SCLT1: variants seen among roughly 807,000 people sequenced by gnomAD.
SCLT1 encodes the protein sodium channel-associated protein 1.
A neutral mutation model predicts 112.8 loss-of-function variants in SCLT1; 78 were observed. The ratio of observed to expected loss-of-function variants is 0.69; its 90% confidence interval spans 0.58 to 0.83. The LOEUF (loss-of-function observed/expected upper bound fraction) is 0.83. Among genes scored for constraint, SCLT1 ranks in the 40% least tolerant of loss-of-function variants. The probability of loss-of-function intolerance (pLI) is 0.00; values close to 1 mark genes in which losing one functional copy is unlikely to be tolerated. For missense variants in SCLT1, 747 were observed against 770.4 expected, an observed-to-expected ratio of 0.97 and a Z score of 0.36; for synonymous variants, 257 against 254.7, an observed-to-expected ratio of 1.01 and a Z score of -0.09.
At chr4:129,081,418 G>A (rs577081118) in intron 2 of SCLT1, among the ~76,000 whole-genome samples, 1 of 152,218 alleles carries the variant, frequency 6.6e-6, no homozygotes, top group Non-Finnish European at 1.5e-5. Context: ...TGGACTCGGG[G>A]TACCTGCCAG....
At chr4:128,948,645 G>T in intron 14 of SCLT1, 75 bp from the exon 15 acceptor site, 3 of 1,046,014 alleles carry the variant, frequency 2.9e-6, no homozygotes, top group Non-Finnish European at 4.3e-6. Context: ...ATTATAATTT[G>T]TTCATAATGG....
chr4:129,025,386 G>A (rs1019897838), intron 5 of SCLT1, among the ~76,000 whole-genome samples: 5 of 152,156 alleles, frequency 3.3e-5, no homozygotes, highest in Non-Finnish European at 7.3e-5. Flanking sequence ...GAGAGTGGGG[G>A]CCAATATTCA....
intron 4 of SCLT1, among the ~76,000 whole-genome samples, chr4:129,041,319 C>T (rs1747677893): frequency 6.6e-6 from 1 of 152,094 alleles, no homozygotes; most frequent in Non-Finnish European, 1.5e-5. Flanking sequence ...ATAAAACAGA[C>T]ACTATAATTT....
chr4:128,927,594 T>TAATTTGAACTAA (rs2125969377), intron 18 of SCLT1, among the ~76,000 whole-genome samples: 1 of 150,236 alleles, frequency 6.7e-6, no homozygotes, highest in African/African-American at 2.4e-5. Context: ...AAAAGGAAAA[T>TAATTTGAACTAA]AATTTGAACT....
intron 5 of SCLT1, among the ~76,000 whole-genome samples, chr4:129,006,640 T>G (rs1035434035): frequency 2.0e-5 from 3 of 152,180 alleles, no homozygotes; most frequent in African/African-American, 7.2e-5. Context: ...GGTCATTTTT[T>G]TAATCTTACA....
At chr4:128,957,215 T>C in intron 12 of SCLT1, 91 bp from the exon 13 acceptor site, 2 of 654,914 alleles carry the variant, frequency 3.1e-6, no homozygotes, top group Non-Finnish European at 5.1e-6. Context: ...CACTTCCTTA[T>C]TCAAAACTTC....
chr4:129,003,964 C>T (rs979832075), intron 5 of SCLT1, 88 bp from the exon 6 acceptor site: 10 of 1,159,170 alleles, frequency 8.6e-6, no homozygotes, highest in Non-Finnish European at 1.2e-5. Flanking sequence ...TTTGGGTCAA[C>T]AATAACTCTT....
chr4:128,924,935 T>C (rs960578600), intron 18 of SCLT1, among the ~76,000 whole-genome samples: 6 of 152,164 alleles, frequency 3.9e-5, no homozygotes, highest in Non-Finnish European at 1.5e-5. Flanking sequence ...CTTTCTCTCT[T>C]TCAACTTCCT....
chr4:129,036,442 G>A (rs1036128628), intron 5 of SCLT1, among the ~76,000 whole-genome samples: 8 of 151,862 alleles, frequency 5.3e-5, no homozygotes, highest in African/African-American at 1.9e-4. Flanking sequence ...TAAGTATATT[G>A]GTGATTCAGA....
At chr4:128,946,881 T>TAAGGGTG (rs1203656675) in intron 15 of SCLT1, among the ~76,000 whole-genome samples, 42 of 152,194 alleles carry the variant, frequency 2.8e-4, no homozygotes, top group Middle Eastern at 3.2e-3. Flanking sequence ...TAAGCTCAGC[T>TAAGGGTG]TTCCATGCAA....
chr4:128,926,713 C>T (rs923537606), intron 18 of SCLT1, among the ~76,000 whole-genome samples: 1 of 151,834 alleles, frequency 6.6e-6, no homozygotes, highest in East Asian at 1.9e-4. Flanking sequence ...ATATTTATTA[C>T]TTTGTTTTAC....
At chr4:129,047,695 T>A (rs760049754) in intron 2 of SCLT1, among the ~76,000 whole-genome samples, 9 of 152,120 alleles carry the variant, frequency 5.9e-5, no homozygotes, top group Non-Finnish European at 1.3e-4. Flanking sequence ...AGGGGTGATA[T>A]GGGATCTCAC....
At chr4:128,916,537 G>A (rs914978006) in intron 18 of SCLT1, among the ~76,000 whole-genome samples, 6 of 152,136 alleles carry the variant, frequency 3.9e-5, no homozygotes, top group East Asian at 3.9e-4. Flanking sequence ...ACTGACTGAC[G>A]AAAAAGCTAA....
At chr4:129,049,620 A>G (rs923327162) in intron 2 of SCLT1, among the ~76,000 whole-genome samples, 1 of 138,898 alleles carries the variant, frequency 7.2e-6, no homozygotes, top group Non-Finnish European at 1.6e-5. Flanking sequence ...CCTAAAACTT[A>G]AAGTATAAAA....
intron 2 of SCLT1, among the ~76,000 whole-genome samples, chr4:129,074,080 C>T (rs1210150417): frequency 6.6e-6 from 1 of 152,084 alleles, no homozygotes; most frequent in Non-Finnish European, 1.5e-5. Flanking sequence ...TTTTGTCACC[C>T]TTAATACACA....
intron 5 of SCLT1, chr4:128,874,186 C>CA (rs776074466): frequency 2.0e-5 from 3 of 152,398 alleles, no homozygotes; most frequent in Admixed American, 6.6e-5. Flanking sequence ...TGCATATGAG[C>CA]AAAAACCTTT....
intron 2 of SCLT1, among the ~76,000 whole-genome samples, chr4:129,078,939 A>G (rs1751696762): frequency 6.6e-6 from 1 of 152,160 alleles, no homozygotes; most frequent in Non-Finnish European, 1.5e-5. Flanking sequence ...GAAGGGAAAG[A>G]AGGCACATCT....
At chr4:129,089,480 A>C (rs1003943151) in intron 1 of SCLT1, among the ~76,000 whole-genome samples, 3 of 152,196 alleles carry the variant, frequency 2.0e-5, no homozygotes, top group African/African-American at 7.2e-5. Context: ...CTAGAACCAG[A>C]AATACCATTT....
intron 9 of SCLT1, among the ~76,000 whole-genome samples, chr4:128,977,980 A>T (rs548754659): frequency 3.9e-4 from 59 of 152,260 alleles, no homozygotes; most frequent in African/African-American, 1.3e-3. Context: ...GATATGGATG[A>T]TGACTAGATT....
Sources: allele counts gnomAD v4.1 joint callset (sites outside exome capture counted in the v4.1 genomes callset), GRCh38; gene constraint gnomAD v4.1.1; transcripts MANE v1.5; gene names NCBI Gene and HGNC (gene_info 2026-07-23, HGNC 2026-07-21).